Variants in PTPRE observed in about 807,000 individuals in gnomAD.
PTPRE encodes protein tyrosine phosphatase receptor type E.
Under a neutral mutation model 102.0 loss-of-function variants are expected in PTPRE, and 51 were observed. The observed-to-expected ratio is 0.50, with a 90% CI of 0.40 to 0.63. The LOEUF is 0.63. Ranked by LOEUF, PTPRE falls within the 30% of genes least tolerant of loss-of-function variation. The pLI, the probability that PTPRE is intolerant of heterozygous loss-of-function variation, is 0.00. For synonymous variants in PTPRE, 345 were observed against 348.2 expected, an observed-to-expected ratio of 0.99 and a Z score of 0.10; for missense variants, 752 against 915.1, an observed-to-expected ratio of 0.82 and a Z score of 2.30.
chr10:128,064,060 T>C (rs1849847661), intron 10 of PTPRE, among the ~76,000 whole-genome samples: 1 of 152,136 alleles, frequency 6.6e-6, no homozygotes, highest in Non-Finnish European at 1.5e-5. Flanking sequence ...TCCTCAGTCA[T>C]CTGCTGGCCT....
At position 128,084,834 on chromosome 10, in the gene PTPRE, T is replaced by A. The variant is rs113878041; in HGVS notation, c.*1928T>A. 2,254 of 166,558 alleles carry A rather than the reference T, an allele frequency of 0.014. 66 individuals carry two copies. Among genetic ancestry groups the A allele is most frequent in the African/African-American group, 0.049 (2,059 of 42,080 alleles). 10.3% of individuals were successfully genotyped at this position (166,558 alleles called of 1,614,324 possible). A position where few individuals can be genotyped will look rare whatever the true frequency, so the allele number is the denominator to read the frequency against. On this transcript the variant is annotated 3_prime_UTR_variant, in exon 21 of 21. Coordinates refer to ENST00000254667, the MANE Select transcript of PTPRE (RefSeq NM_006504.6). ...TTTCTCTGGTCATTTATTTGAGAGT[T>A]CGAAGTCAAAGTCGAGGGGCACCGG...
At chr10:128,062,568 A>C (rs1849700901) in intron 9 of PTPRE, among the ~76,000 whole-genome samples, 1 of 152,166 alleles carries the variant, frequency 6.6e-6, no homozygotes, top group African/African-American at 2.4e-5. Context: ...GGGACTGCAA[A>C]ATAGCCGCAG....
At position 128,061,728 on chromosome 10, in the gene PTPRE, T is replaced by C. The variant is rs4462251; in HGVS notation, c.625+13T>C. 831,696 of 1,572,516 alleles carry C rather than the reference T, an allele frequency of 0.53. 222,548 individuals are homozygous for C. The highest frequency in any genetic ancestry group is 0.71 in the Admixed American group (35,402 of 49,872). ...ATAGCAGCTCAAGGTAAGCTTTTTA[T>C]TAATTTCTCAACGTATTTTTGGTAA... On this transcript the variant is annotated intron_variant, in intron 9 of 20. Coordinates refer to ENST00000254667, the MANE Select transcript of PTPRE (RefSeq NM_006504.6).
At position 128,041,076 on chromosome 10, in the gene PTPRE, G is replaced by T; in HGVS notation, c.109+86G>T. ...TCAGAGGGTGATAAAGGGGCTTAGG[G>T]TAAGAGAAGAATGGTGTGGCTGAAT... On this transcript the variant is annotated intron_variant, in intron 3 of 20. Coordinates refer to ENST00000254667, the MANE Select transcript of PTPRE (RefSeq NM_006504.6). 5 of 1,158,404 alleles carry T rather than the reference G, an allele frequency of 4.3e-6. No individual in the cohort carries two copies. The Admixed American group carries it at 8.1e-5, about 19-fold the overall frequency. The allele number at this position is 1,158,404 out of a possible 1,614,324, so 71.8% of individuals were successfully genotyped here. A position where few individuals can be genotyped will look rare whatever the true frequency, so the allele number is the denominator to read the frequency against.
intron 1 of PTPRE, among the ~76,000 whole-genome samples, chr10:127,959,004 C>T (rs1174873002): frequency 6.7e-6 from 1 of 149,732 alleles, no homozygotes; most frequent in Non-Finnish European, 1.5e-5. Context: ...TCAAGCGATT[C>T]TCCCATCTCG....
chr10:128,053,492 A>C (rs1262317598), intron 6 of PTPRE, among the ~76,000 whole-genome samples: 1 of 152,150 alleles, frequency 6.6e-6, no homozygotes, highest in East Asian at 1.9e-4. Flanking sequence ...ACCCCAGTAG[A>C]CTGACAGCCA....
chr10:128,069,507 C>A (rs1223793608), intron 12 of PTPRE, 185 bp from the exon 13 acceptor site: 5 of 704,252 alleles, frequency 7.1e-6, no homozygotes, highest in Non-Finnish European at 1.2e-5. Context: ...ATCAGAGGAC[C>A]GGCCTGAGAT....
At chr10:128,076,561 A>AATAAGACTTGTAATAAAAGTC (rs1372790856) in intron 17 of PTPRE, 42 bp from the exon 18 acceptor site, 1 of 1,543,566 alleles carries the variant, frequency 6.5e-7, no homozygotes, top group Admixed American at 2.3e-5. Context: ...CCAGCAGCAA[A>AATAAGACTTGTAATAAAAGTC]TTATTTATTA....
intron 7 of PTPRE, among the ~76,000 whole-genome samples, chr10:128,058,627 G>A (rs2135929004): frequency 6.6e-6 from 1 of 152,330 alleles, no homozygotes; most frequent in South Asian, 2.1e-4. Context: ...AGGCTGAAGG[G>A]ACATTGGGCA....
At chr10:127,996,454 C>T (rs964621550) in intron 2 of PTPRE, among the ~76,000 whole-genome samples, 1 of 152,178 alleles carries the variant, frequency 6.6e-6, no homozygotes, top group Non-Finnish European at 1.5e-5. Flanking sequence ...TGTGTACATG[C>T]CCTGTTAAAG....
At chr10:127,940,341 C>G (rs953579579) in intron 1 of PTPRE, among the ~76,000 whole-genome samples, 4 of 152,182 alleles carry the variant, frequency 2.6e-5, no homozygotes, top group African/African-American at 9.7e-5. Flanking sequence ...GAGGGTTCTA[C>G]CAGAGCCCAG....
intron 16 of PTPRE, 148 bp from the exon 17 acceptor site, chr10:128,073,189 G>A: frequency 9.3e-7 from 1 of 1,076,998 alleles, no homozygotes; most frequent in Non-Finnish European, 1.3e-6. Context: ...GTGTGCCTGA[G>A]TGCTCGTGCC....
chr10:128,037,692 A>G (rs11815353), intron 2 of PTPRE, among the ~76,000 whole-genome samples: 7,143 of 152,118 alleles, frequency 0.047, 469 homozygotes, highest in East Asian at 0.24. Context: ...TCATAAATAA[A>G]CTCCTTTTCT....
chr10:127,918,558 CAA>C (rs35535006), intron 1 of PTPRE, among the ~76,000 whole-genome samples: 37 of 95,034 alleles, frequency 3.9e-4, no homozygotes, highest in Non-Finnish European at 3.4e-4. Flanking sequence ...GACTCCATCT[CAA>C]AAAAAAAAAA....
chr10:127,945,704 G>A (rs185498656), intron 1 of PTPRE, among the ~76,000 whole-genome samples: 21 of 152,244 alleles, frequency 1.4e-4, no homozygotes, highest in Admixed American at 3.9e-4. Flanking sequence ...TCCAAAGGGC[G>A]GGCCAACAGG....
At chr10:127,940,794 C>T (rs1205324668) in intron 1 of PTPRE, among the ~76,000 whole-genome samples, 1 of 152,214 alleles carries the variant, frequency 6.6e-6, no homozygotes, top group Non-Finnish European at 1.5e-5. Flanking sequence ...CAGGCTTACA[C>T]CATTGCACCC....
chr10:128,060,352 A>G (rs1001270633), intron 7 of PTPRE, among the ~76,000 whole-genome samples: 1 of 152,152 alleles, frequency 6.6e-6, no homozygotes, highest in Non-Finnish European at 1.5e-5. Context: ...CTTGTGCAAC[A>G]GGCTGGATCT....
Position 128,061,689 on chromosome 10 carries a change from A to G in PTPRE, c.599A>G (p.Glu200Gly), listed in dbSNP as rs1411659265. The G allele has an allele frequency of 2.5e-6, 4 of 1,582,480 alleles. No homozygotes were observed. The Admixed American group carries it at 5.8e-5, about 23-fold the overall frequency. The change falls in exon 9 of 21, where the codon GAG becomes GGG. Residue 200 changes from glutamate to glycine, a missense_variant. Glu to Gly is a moderately conservative substitution (Grantham distance 98, BLOSUM62 -2). This residue lies in a region of PTPRE where 636 missense variants were observed against 824.4 expected (regional missense o/e 0.77). Coordinates refer to ENST00000254667, the MANE Select transcript of PTPRE (RefSeq NM_006504.6). ...TGTTATTTTTTCTAGGGTTACAAAG[A>G]GAAGAATAAATTCATAGCAGCTCAA... ...INASYIDGYK[E>G]KNKFIAAQGP... is the part of the protein sequence containing the mutation.
chr10:127,999,646 T>C, intron 2 of PTPRE: 2 of 984,570 alleles, frequency 2.0e-6, no homozygotes, highest in Non-Finnish European at 2.4e-6. Flanking sequence ...ATTATGAACT[T>C]AAAACAAATT....
Sources: gnomAD v4.1 joint callset for allele counts (sites outside exome capture counted in the v4.1 genomes callset) on GRCh38, gnomAD v4.1.1 for gene constraint, gnomAD v4.1.1 regional missense constraint, MANE v1.5 for transcripts, NCBI Gene and HGNC (gene_info 2026-07-23, HGNC 2026-07-21) for gene names.